Variants in PVT1 observed in about 807,000 individuals in gnomAD.
The protein encoded by PVT1 is CXCR4/PVT1 fusion.
At chr8:128,052,659 G>C (rs780517414) in intron 4 of PVT1, among the ~76,000 whole-genome samples, 1 of 152,130 alleles carries the variant, frequency 6.6e-6, no homozygotes, top group Non-Finnish European at 1.5e-5. Context: ...TTTCACATCT[G>C]TATTCCTTCA....
chr8:127,868,782 T>TATATATATACGTATATATATGTATATAC (rs1554593019), intron 2 of PVT1, among the ~76,000 whole-genome samples: 1 of 60,656 alleles, frequency 1.6e-5, no homozygotes, highest in Admixed American at 2.6e-4. Context: ...TATATATATA[T>TATATATATACGTATATATATGTATATAC]ATATATATAT....
intron 2 of PVT1, among the ~76,000 whole-genome samples, chr8:127,821,419 G>A (rs946642599): frequency 2.4e-4 from 37 of 152,158 alleles, no homozygotes; most frequent in African/African-American, 8.2e-4. Context: ...ATTACATGTT[G>A]AGATGATAAG....
chr8:128,018,441 G>A (rs17199763), intron 4 of PVT1, among the ~76,000 whole-genome samples: 3,527 of 152,216 alleles, frequency 0.023, 78 homozygotes, highest in South Asian at 0.073. Context: ...TGACATCTTC[G>A]TCACCACATG....
chr8:127,882,050 T>G (rs1244802209), intron 2 of PVT1, among the ~76,000 whole-genome samples: 1 of 152,206 alleles, frequency 6.6e-6, no homozygotes, highest in East Asian at 1.9e-4. Flanking sequence ...TATTCTTTGT[T>G]TTATTGAACA....
At chr8:128,041,388 T>A (rs966011217) in intron 4 of PVT1, among the ~76,000 whole-genome samples, 7 of 151,066 alleles carry the variant, frequency 4.6e-5, no homozygotes, top group Non-Finnish European at 8.8e-5. Context: ...TGCATATGTG[T>A]ATGTGTGTGT....
chr8:127,822,206 G>A lies in PVT1; in HGVS notation n.372+26135G>A, dbSNP rs1436245920. 2.6e-5 allele frequency among the ~76,000 whole-genome samples: 4 copies of A among 152,350 alleles called. No homozygotes were observed. The East Asian group carries it at 7.7e-4, about 29-fold the overall frequency. Reference sequence around the variant, plus strand: ...GGTTGTTGTAGTTGTTACTTTAGTGGTTGTTTTTTAGAACCTGAGGACACA... The same window carrying A: ...GGTTGTTGTAGTTGTTACTTTAGTGATTGTTTTTTAGAACCTGAGGACACA... On this transcript the variant is annotated intron_variant and non_coding_transcript_variant, in intron 2 of 10. Transcript: ENST00000651587.
intron 4 of PVT1, among the ~76,000 whole-genome samples, chr8:128,025,886 T>G (rs1817487210): frequency 6.6e-6 from 1 of 152,004 alleles, no homozygotes; most frequent in Non-Finnish European, 1.5e-5. Flanking sequence ...CCCCAGTGGC[T>G]TAATGTAGAA....
At chr8:128,084,389 C>A (rs769672257) in intron 5 of PVT1, among the ~76,000 whole-genome samples, 18 of 152,200 alleles carry the variant, frequency 1.2e-4, no homozygotes, top group Non-Finnish European at 1.9e-4. Context: ...TGCACATCTG[C>A]CTGGCTCTCT....
chr8:127,969,503 C>G (rs1411157519), intron 3 of PVT1, among the ~76,000 whole-genome samples: 2 of 152,218 alleles, frequency 1.3e-5, no homozygotes, highest in Admixed American at 6.5e-5. Flanking sequence ...GAGTTGGACA[C>G]TGACCATCTG....
intron 2 of PVT1, among the ~76,000 whole-genome samples, chr8:127,820,914 G>A (rs960026330): frequency 6.6e-6 from 1 of 151,998 alleles, no homozygotes; most frequent in African/African-American, 2.4e-5. Context: ...TTACCATGTT[G>A]GCCAGGCTGG....
chr8:128,082,559 A>C (rs1399119947), intron 5 of PVT1, among the ~76,000 whole-genome samples: 1 of 152,238 alleles, frequency 6.6e-6, no homozygotes, highest in Non-Finnish European at 1.5e-5. Flanking sequence ...AAGGGTTGGC[A>C]GGAGGCACCA....
intron 2 of PVT1, among the ~76,000 whole-genome samples, chr8:127,803,712 C>G (rs1814495726): frequency 7.0e-6 from 1 of 143,184 alleles, no homozygotes; most frequent in Non-Finnish European, 1.5e-5. Context: ...TAGTGAGATC[C>G]TGTCTCTACA....
intron 4 of PVT1, chr8:128,008,759 T>G: frequency 3.3e-6 from 1 of 302,668 alleles, no homozygotes; most frequent in Non-Finnish European, 7.3e-6. Context: ...ATGCTAAGCA[T>G]GTGCAGGCAT....
chr8:128,049,384 C>T (rs1813659122), intron 4 of PVT1: 1 of 336,040 alleles, frequency 3.0e-6, no homozygotes, highest in Non-Finnish European at 5.9e-6. Context: ...GAGCACTTGC[C>T]TGTGTGGGGC....
Position 127,889,037 on chromosome 8 carries a change from TTTCTTCCTTC to T in PVT1, n.373-1551_373-1542del, listed in dbSNP as rs1563631157. The stretch of plus-strand genomic sequence containing the variant: ...AAACCCCTTTTCCTTTCTCTCTTTC[TTTCTTCCTTC>T]CTTCCTTCCTTCCTTCCTTCCTTCC... On this transcript the variant is annotated intron_variant and non_coding_transcript_variant, in intron 2 of 10. Transcript: ENST00000651587. Among the ~76,000 whole-genome samples the T allele has an allele frequency of 6.3e-3, 182 of 28,866 alleles. 3 individuals carry two copies. Among genetic ancestry groups the T allele is most frequent in the East Asian group, 0.041 (88 of 2,124 alleles). The allele number at this position is 28,866 out of a possible 152,430, so 18.9% of individuals were successfully genotyped here.
intron 3 of PVT1, among the ~76,000 whole-genome samples, chr8:127,961,316 G>A (rs1424567524): frequency 6.6e-6 from 1 of 152,206 alleles, no homozygotes; most frequent in East Asian, 1.9e-4. Context: ...GGCCTGAGCT[G>A]GAGGAGACAG....
intron 4 of PVT1, among the ~76,000 whole-genome samples, chr8:128,023,309 C>G (rs1248343209): frequency 2.6e-5 from 4 of 152,078 alleles, no homozygotes; most frequent in Non-Finnish European, 5.9e-5. Flanking sequence ...TCTAATGGTC[C>G]CAGTTGACAC....
At chr8:128,069,464 G>A (rs971220852) in intron 4 of PVT1, among the ~76,000 whole-genome samples, 1 of 152,188 alleles carries the variant, frequency 6.6e-6, no homozygotes, top group Non-Finnish European at 1.5e-5. Context: ...GCTGCACTCA[G>A]GGGTCAGAGC....
intron 3 of PVT1, among the ~76,000 whole-genome samples, chr8:127,902,579 C>T (rs1163403122): frequency 1.3e-5 from 2 of 151,782 alleles, no homozygotes; most frequent in African/African-American, 4.8e-5. Context: ...AATCCTTGTC[C>T]CCCTCTTTTC....
Sources: allele counts gnomAD v4.1 joint callset (sites outside exome capture counted in the v4.1 genomes callset), GRCh38; gene constraint gnomAD v4.1.1; transcripts MANE v1.5; gene names NCBI Gene and HGNC (gene_info 2026-07-23, HGNC 2026-07-21).